Variants in RGS3 observed in about 807,000 individuals in gnomAD.
RGS3 encodes the protein regulator of G protein signaling 3, also known as regulator of G-protein signalling 3.
A neutral mutation model predicts 132.6 loss-of-function variants in RGS3; 80 were observed. The observed-to-expected ratio is 0.60, with a 90% CI of 0.50 to 0.73. The LOEUF is 0.73. RGS3 is among the 30% of genes least tolerant of loss of function. The pLI is 0.00. For missense variants in RGS3, 1,382 were observed against 1,530.8 expected (o/e 0.90, Z 1.62); for synonymous variants, 598 against 620.6 (o/e 0.96, Z 0.54).
chr9:113,472,511 G>A (rs1829866137), intron 3 of RGS3, among the ~76,000 whole-genome samples: 1 of 152,152 alleles, frequency 6.6e-6, no homozygotes, highest in Non-Finnish European at 1.5e-5. Context: ...AGTGAAAGAA[G>A]TCAATCACAA....
At chr9:113,596,614 C>A (rs1835791559) in intron 24 of RGS3, among the ~76,000 whole-genome samples, 154 bp from the exon 23 acceptor site, 1 of 152,160 alleles carries the variant, frequency 6.6e-6, no homozygotes, top group Admixed American at 6.5e-5. Flanking sequence ...GGACTTGAAT[C>A]CTCTGGTCTG....
chr9:113,545,072 G>A (rs902388607), intron 19 of RGS3, among the ~76,000 whole-genome samples: 3 of 152,222 alleles, frequency 2.0e-5, no homozygotes, highest in Non-Finnish European at 4.4e-5. Context: ...CCTAAAATGA[G>A]AGATCAGTTT....
At position 113,550,089 on chromosome 9, in the gene RGS3, C is replaced by T. The variant is rs1472673354; in HGVS notation, c.2037+13171C>T. 2.5e-4 allele frequency among the ~76,000 whole-genome samples: 38 copies of T among 152,300 alleles called. 1 individual carries two copies. Among genetic ancestry groups the T allele is most frequent in the Admixed American group, 2.4e-3 (37 of 15,284 alleles). ...CGACTCTAAATAAATATTTGTTGGG[C>T]GCGGTGGCTCATGCCTGTAATCCCA... On this transcript the variant is annotated intron_variant, in intron 19 of 24. Transcript: ENST00000350696.
intron 19 of RGS3, among the ~76,000 whole-genome samples, chr9:113,560,481 T>C (rs1289295678): frequency 6.6e-6 from 1 of 152,186 alleles, no homozygotes. Context: ...AAACACAGCA[T>C]GGCAGCCCCC....
At chr9:113,523,134 C>T (rs751461276) in intron 17 of RGS3, 93 bp downstream of exon 15, 20 of 809,164 alleles carry the variant, frequency 2.5e-5, no homozygotes, top group African/African-American at 1.3e-4. Context: ...GCCAGTCATC[C>T]GTAGGGCACT....
chr9:113,543,843 C>T lies in RGS3; in HGVS notation c.2037+6925C>T, dbSNP rs1182110395. Among the ~76,000 whole-genome samples, 7 of 152,302 alleles carry T rather than the reference C, an allele frequency of 4.6e-5. No individual in the cohort carries two copies. In the East Asian group the frequency reaches 9.6e-4, roughly 21 times the overall value. ...GATGCTCACATCAGGGTCCCAGGTC[C>T]GGCTGTTAGGGAAGTGGACATCAGT... On this transcript the variant is annotated intron_variant, in intron 19 of 24. Transcript: ENST00000350696.
chr9:113,480,770 AC>A (rs1830135103), intron 4 of RGS3, among the ~76,000 whole-genome samples: 1 of 152,240 alleles, frequency 6.6e-6, no homozygotes, highest in African/African-American at 2.4e-5. Context: ...TGGCTGGAGC[AC>A]AGCACAGGAA....
chr9:113,456,213 G>A (rs546633189), upstream of RGS3, among the ~76,000 whole-genome samples: 147 of 152,162 alleles, frequency 9.7e-4, no homozygotes, highest in African/African-American at 3.4e-3. Context: ...AACATTCCCT[G>A]TGGGCTGTCT....
intron 4 of RGS3, among the ~76,000 whole-genome samples, chr9:113,480,553 C>T (rs1236812390): frequency 2.0e-5 from 3 of 151,894 alleles, no homozygotes; most frequent in Non-Finnish European, 4.4e-5. Context: ...AGGAGAAGCA[C>T]CCACCCCTGT....
Position 113,507,621 on chromosome 9 carries a change from C to T in RGS3, c.1420C>T (p.Leu474=), listed in dbSNP as rs1285631570. 5 of 1,473,086 alleles carry T rather than the reference C, an allele frequency of 3.4e-6. No individual in the cohort carries two copies. Among genetic ancestry groups the T allele is most frequent in the Non-Finnish European group, 4.5e-6 (5 of 1,107,806 alleles). 91.3% of individuals were successfully genotyped at this position (1,473,086 alleles called of 1,614,324 possible). Residue 474 remains leucine, a synonymous_variant, in exon 13 of 25, where the codon CTG becomes TTG. Transcript: ENST00000350696. The surrounding 1 kb of genome is among the most constrained non-coding windows in gnomAD (Gnocchi z 5.0). ...CCCCAACTACATCATCCTGGCCCCGCTGAATCCTGGGAGCCAGGTACGGAC... is the reference window on the plus strand; with the variant it reads ...CCCCAACTACATCATCCTGGCCCCGTTGAATCCTGGGAGCCAGGTACGGAC...
exon 25 of RGS3, chr9:113,596,990 G>T (rs41276823): frequency 6.5e-7 from 1 of 1,548,520 alleles, no homozygotes; most frequent in Non-Finnish European, 8.7e-7. Flanking sequence ...CACACCAGGC[G>T]GGCTGGGTCC....
chr9:113,463,845 G>C lies in RGS3; in HGVS notation c.415+1644G>C, dbSNP rs1228048854. 22 of 1,612,978 alleles carry C rather than the reference G, an allele frequency of 1.4e-5. No individual in the cohort carries two copies. Among genetic ancestry groups the C allele is most frequent in the Non-Finnish European group, 1.8e-5 (21 of 1,179,796 alleles). On this transcript the variant is annotated intron_variant, in intron 3 of 24. Transcript: ENST00000350696. This position sits in a 1 kb window ranked among gnomAD's most constrained non-coding sequence, Gnocchi z 4.6. ...CCGCGTCTCCCTCGGGAGCCGGCGT[G>C]CCCACCCGGACTTGTCCTTCTACCT...
At chr9:113,498,997 T>G (rs1427383247) in intron 10 of RGS3, among the ~76,000 whole-genome samples, 4 of 143,946 alleles carry the variant, frequency 2.8e-5, no homozygotes, top group African/African-American at 1.0e-4. Flanking sequence ...AAGGCTGAGG[T>G]GGGCAGATCA....
intron 4 of RGS3, chr9:113,482,842 T>G: frequency 8.5e-7 from 1 of 1,170,450 alleles, no homozygotes; most frequent in Non-Finnish European, 1.2e-6. Flanking sequence ...TGGAAGATGG[T>G]GGGAATGGCC....
intron 7 of RGS3, among the ~76,000 whole-genome samples, chr9:113,487,817 G>C (rs1588152606): frequency 2.0e-5 from 3 of 152,188 alleles, no homozygotes; most frequent in African/African-American, 7.2e-5. Flanking sequence ...CCTAAGGGCC[G>C]GTGGTTCTCG....
upstream of RGS3, among the ~76,000 whole-genome samples, chr9:113,459,679 G>A (rs1164002949): frequency 1.3e-5 from 2 of 152,056 alleles, no homozygotes; most frequent in Admixed American, 1.3e-4. Flanking sequence ...GAACCTGGGA[G>A]TGAGCTGAGA....
At chr9:113,471,009 G>T (rs1417731900) in intron 3 of RGS3, among the ~76,000 whole-genome samples, 4 of 152,022 alleles carry the variant, frequency 2.6e-5, no homozygotes, top group African/African-American at 9.7e-5. Context: ...GAGAGTTGTT[G>T]TTATTATTAT....
At chr9:113,586,688 A>G (rs1452136449) in intron 20 of RGS3, among the ~76,000 whole-genome samples, 2 of 152,158 alleles carry the variant, frequency 1.3e-5, no homozygotes, top group Non-Finnish European at 2.9e-5. Context: ...CTCTTCCACC[A>G]GTAGCTTCAG....
chr9:113,529,976 G>T (rs1832395583), intron 18 of RGS3, among the ~76,000 whole-genome samples: 1 of 152,208 alleles, frequency 6.6e-6, no homozygotes, highest in Non-Finnish European at 1.5e-5. Flanking sequence ...AAAGTTGAGA[G>T]CCACTGAGCT....
Sources: gnomAD v4.1 joint callset for allele counts (sites outside exome capture counted in the v4.1 genomes callset) on GRCh38, gnomAD v4.1.1 for gene constraint, Gnocchi (gnomAD v3.1) non-coding constraint, MANE v1.5 for transcripts, NCBI Gene and HGNC (gene_info 2026-07-23, HGNC 2026-07-21) for gene names.